OSBPL2: variants seen among roughly 807,000 people sequenced by gnomAD.
The protein encoded by OSBPL2 is oxysterol binding protein like 2.
In OSBPL2, 18 loss-of-function variants were observed where a neutral mutation model predicts 58.4. That is an observed-to-expected ratio of 0.31 (90% CI 0.21 to 0.46). The LOEUF is 0.46. OSBPL2 is among the 20% of genes least tolerant of loss of function. OSBPL2 has a pLI of 1.00. For synonymous variants in OSBPL2, 221 were observed against 234.1 expected (o/e 0.94, Z 0.51); for missense variants, 461 against 616.5 (o/e 0.75, Z 2.67).
rs748046125 is a variant in OSBPL2, at chr20:62,286,594, C to T, written c.1008C>T (p.Ser336=). 51 of 1,613,058 alleles carry T rather than the reference C, an allele frequency of 3.2e-5. No homozygotes were observed. Among genetic ancestry groups the T allele is most frequent in the Middle Eastern group, 3.3e-4 (2 of 6,080 alleles). ...HLRKAKLDED[S]GKADSDVADD... The stretch of plus-strand genomic sequence containing the variant: ...GTTCTGTGTTTCAGGATGAAGACTC[C>T]GGGAAGGCTGACAGCGACGTGGCTG... Residue 336 remains serine (S), a synonymous_variant, in exon 11 of 14, where the codon TCC becomes TCT. Transcript: ENST00000313733.
At chr20:62,263,076 G>A (rs1183938635) in intron 3 of OSBPL2, among the ~76,000 whole-genome samples, 1 of 152,178 alleles carries the variant, frequency 6.6e-6, no homozygotes, top group Non-Finnish European at 1.5e-5. Context: ...TGAGTGGTGA[G>A]CAGTGGTGGG....
At chr20:62,276,336 G>A (rs1472662978) in intron 6 of OSBPL2, among the ~76,000 whole-genome samples, 2 of 152,252 alleles carry the variant, frequency 1.3e-5, no homozygotes, top group East Asian at 3.8e-4. Flanking sequence ...CCTAGAAGGT[G>A]TGTCAGCACT....
At chr20:62,290,839 G>A (rs527290839) in intron 12 of OSBPL2, among the ~76,000 whole-genome samples, 2 of 150,344 alleles carry the variant, frequency 1.3e-5, no homozygotes, top group East Asian at 3.9e-4. Context: ...ACAGGTTCAA[G>A]AGATTCTCCT....
At chr20:62,255,618 C>T (rs1191751779) in intron 1 of OSBPL2, among the ~76,000 whole-genome samples, 1 of 152,178 alleles carries the variant, frequency 6.6e-6, no homozygotes, top group Non-Finnish European at 1.5e-5. Flanking sequence ...ATTCTCCTGC[C>T]TCACCCTCCC....
At chr20:62,264,065 CAA>C (rs11476225) in intron 4 of OSBPL2, among the ~76,000 whole-genome samples, 371 of 97,992 alleles carry the variant, frequency 3.8e-3, no homozygotes, top group East Asian at 0.016. Context: ...GATTCCATCT[CAA>C]AAAAAAAAAA....
chr20:62,260,217 A>G, intron 3 of OSBPL2, 92 bp downstream of exon 3: 1 of 1,255,328 alleles, frequency 8.0e-7, no homozygotes, highest in Non-Finnish European at 1.1e-6. Context: ...ACGAGCATTG[A>G]GCTGGAGTGG....
chr20:62,291,851 G>A (rs1983538387), intron 13 of OSBPL2, 58 bp downstream of exon 13: 1 of 1,523,796 alleles, frequency 6.6e-7, no homozygotes, highest in Non-Finnish European at 9.0e-7. Context: ...CACACACCTG[G>A]GGACGGCGGG....
intron 6 of OSBPL2, 123 bp downstream of exon 6, chr20:62,273,529 CT>C (rs1982200530): frequency 3.7e-6 from 3 of 802,346 alleles, no homozygotes; most frequent in Non-Finnish European, 6.0e-6. Flanking sequence ...GAATTAAGAG[CT>C]CACGAAAGCG....
In OSBPL2 at chr20:62,273,432, A is replaced by G. The variant is rs534697074; in HGVS notation, c.491+26A>G. 71 of 1,495,696 alleles carry G rather than the reference A, an allele frequency of 4.7e-5. No individual in the cohort carries two copies. The East Asian group carries it at 9.0e-4, about 19-fold the overall frequency. 92.7% of individuals were successfully genotyped at this position (1,495,696 alleles called of 1,614,324 possible). On this transcript the variant is annotated intron_variant, in intron 6 of 13. Transcript: ENST00000313733. The stretch of plus-strand genomic sequence containing the variant: ...GTAAGGGGGGAAAGGCCCATCATAA[A>G]TATCTTGTAAATGGAATTCCTTGGA...
intron 8 of OSBPL2, 76 bp downstream of exon 8, chr20:62,281,241 G>A (rs1350148814): frequency 1.9e-5 from 20 of 1,061,898 alleles, no homozygotes; most frequent in African/African-American, 4.7e-5. Flanking sequence ...GTGAGCATCC[G>A]TGCTCCTGGT....
chr20:62,291,900 A>T, intron 13 of OSBPL2, 107 bp downstream of exon 13: 1 of 1,038,874 alleles, frequency 9.6e-7, no homozygotes, highest in East Asian at 2.4e-5. Context: ...GGGAGGCCCC[A>T]CACACACCTG....
At chr20:62,244,038 T>C (rs1443750959) in intron 1 of OSBPL2, among the ~76,000 whole-genome samples, 4 of 151,884 alleles carry the variant, frequency 2.6e-5, no homozygotes, top group Non-Finnish European at 5.9e-5. Context: ...AGGATGAAGA[T>C]GGGCACGATG....
chr20:62,283,583 G>A (rs901824692), intron 9 of OSBPL2, among the ~76,000 whole-genome samples: 1 of 152,224 alleles, frequency 6.6e-6, no homozygotes, highest in Non-Finnish European at 1.5e-5. Flanking sequence ...TGACTGCACT[G>A]ATTGATAGAA....
At chr20:62,285,259 T>A (rs1983040665) in intron 10 of OSBPL2, 1 of 152,204 alleles carries the variant, frequency 6.6e-6, no homozygotes, top group Admixed American at 6.5e-5. Flanking sequence ...GAAGGGTAAA[T>A]CCATTTAGCG....
chr20:62,243,174 T>C (rs756168400), intron 1 of OSBPL2, among the ~76,000 whole-genome samples: 14 of 152,222 alleles, frequency 9.2e-5, no homozygotes, highest in Non-Finnish European at 1.9e-4. Flanking sequence ...GGCGTGGGGC[T>C]ACCCTCTTAC....
At chr20:62,262,795 T>C (rs1981405547) in intron 3 of OSBPL2, among the ~76,000 whole-genome samples, 1 of 152,042 alleles carries the variant, frequency 6.6e-6, no homozygotes, top group South Asian at 2.1e-4. Context: ...AAAACGCCCC[T>C]CAAAGCAGCT....
rs572760982 is a variant in OSBPL2 at position 62,289,405 on chromosome 20, C to A, written c.1249+75C>A. 2.1e-5 allele frequency: 32 copies of A among 1,527,786 alleles called. No individual in the cohort carries two copies. The African/African-American group carries it at 3.5e-4, about 17-fold the overall frequency. 94.6% of individuals were successfully genotyped at this position (1,527,786 alleles called of 1,614,324 possible). On this transcript the variant is annotated intron_variant, in intron 12 of 13. Transcript: ENST00000313733. Reference sequence around the variant, plus strand: ...CTAGGGTGGGAGAGCACAAAGCACTCGCTGGCAGAAGCCAGGCTCTCGCCT... The same window carrying A: ...CTAGGGTGGGAGAGCACAAAGCACTAGCTGGCAGAAGCCAGGCTCTCGCCT...
chr20:62,248,859 T>A (rs551082975), intron 1 of OSBPL2, among the ~76,000 whole-genome samples: 231 of 151,990 alleles, frequency 1.5e-3, no homozygotes, highest in Non-Finnish European at 3.1e-3. Context: ...GCCCAGCTAA[T>A]TTATTTTATT....
intron 6 of OSBPL2, chr20:62,278,545 A>C: frequency 1.7e-5 from 1 of 58,262 alleles, no homozygotes; most frequent in South Asian, 3.6e-4. Context: ...GTGCGATGTC[A>C]TGTTTGTGTG....
Sources: allele counts gnomAD v4.1 joint callset (sites outside exome capture counted in the v4.1 genomes callset), GRCh38; gene constraint gnomAD v4.1.1; transcripts MANE v1.5; gene names NCBI Gene and HGNC (gene_info 2026-07-23, HGNC 2026-07-21).